The following NDRG4 variants were observed in gnomAD, a reference collection of about 807,000 sequenced individuals.
The protein encoded by NDRG4 is NDRG family member 4.
NDRG4 carries 38 observed loss-of-function variants against 55.8 expected under a neutral mutation model. The observed-to-expected ratio is 0.68, with a 90% CI of 0.53 to 0.89. The LOEUF (loss-of-function observed/expected upper bound fraction) is 0.89. Among genes scored for constraint, NDRG4 ranks in the 40% least tolerant of loss-of-function variants. The pLI, the probability that NDRG4 is intolerant of heterozygous loss-of-function variation, is 0.00. For missense variants in NDRG4, 455 were observed against 468.6 expected (o/e 0.97, Z 0.27); for synonymous variants, 190 against 182.7 (o/e 1.04, Z -0.32).
chr16:58,487,947 A>C, intron 2 of NDRG4: 3 of 917,956 alleles, frequency 3.3e-6, no homozygotes, highest in Non-Finnish European at 3.1e-6. Context: ...GACCCTCCCT[A>C]GGGCCAGCCA....
chr16:58,487,451 C>T (rs753337974), intron 1 of NDRG4, among the ~76,000 whole-genome samples: 3 of 151,872 alleles, frequency 2.0e-5, no homozygotes, highest in Non-Finnish European at 4.4e-5. Flanking sequence ...ACTCAGGAGG[C>T]GAAGGTTGCA....
chr16:58,510,483 G>A (rs1331050397), intron 13 of NDRG4, among the ~76,000 whole-genome samples, 162 bp from the exon 14 acceptor site: 4 of 152,182 alleles, frequency 2.6e-5, no homozygotes, highest in Non-Finnish European at 5.9e-5. Context: ...AGGCAGGAGT[G>A]GGCTTCCAGA....
At chr16:58,496,880 G>T (rs538553295), upstream of NDRG4, 2 of 152,274 alleles carry the variant, frequency 1.3e-5, no homozygotes, top group South Asian at 4.2e-4. Flanking sequence ...TGCCTCATTT[G>T]TAAAGAGGGT....
chr16:58,475,804 C>CT (rs113786200), intron 1 of NDRG4: 39,361 of 304,236 alleles, frequency 0.13, 963 homozygotes, highest in African/African-American at 0.17. Context: ...CATGTCTCCC[C>CT]TTTTTTTTTT....
intron 7 of NDRG4, 102 bp downstream of exon 7, chr16:58,506,716 CACTCCAGATGCTAA>C: frequency 7.4e-7 from 1 of 1,356,078 alleles, no homozygotes; most frequent in Non-Finnish European, 1.0e-6. Context: ...TGACCTGGCT[CACTCCAGATGCTAA>C]GCCATCTGAA....
At chr16:58,492,554 G>GAGAC (rs1555532333) in intron 2 of NDRG4, among the ~76,000 whole-genome samples, 15 of 139,740 alleles carry the variant, frequency 1.1e-4, no homozygotes, top group South Asian at 2.3e-4. Flanking sequence ...GTGTGTGTGA[G>GAGAC]AGACAGACAG....
chr16:58,487,878 T>C lies in NDRG4; in HGVS notation c.72+28T>C, dbSNP rs2035293328. ...GAGTTGGAGTCGCGCCTTTGAGGTCTTAGGGCCGAGCGCGCCACCTCGTGG... is the reference window on the plus strand; with the variant it reads ...GAGTTGGAGTCGCGCCTTTGAGGTCCTAGGGCCGAGCGCGCCACCTCGTGG... On this transcript the variant is annotated intron_variant, in intron 2 of 15. Transcript: ENST00000258187. 7 of 1,485,510 alleles carry C rather than the reference T, an allele frequency of 4.7e-6. No homozygotes were observed. In the East Asian group the frequency reaches 1.8e-4, roughly 38 times the overall value. 92.0% of individuals were successfully genotyped at this position (1,485,510 alleles called of 1,614,324 possible).
At chr16:58,482,367 C>T (rs1210012288) in intron 1 of NDRG4, among the ~76,000 whole-genome samples, 2 of 152,180 alleles carry the variant, frequency 1.3e-5, no homozygotes, top group East Asian at 1.9e-4. Context: ...GTCCCGCAGG[C>T]CTGTTTCCTC....
chr16:58,500,673 G>A (rs2151770344), intron 1 of NDRG4: 1 of 448,926 alleles, frequency 2.2e-6, no homozygotes, highest in African/African-American at 2.0e-5. Flanking sequence ...GTGATGCCTG[G>A]GGCCATCAGG....
intron 2 of NDRG4, among the ~76,000 whole-genome samples, chr16:58,492,028 C>T (rs984463046): frequency 2.0e-5 from 3 of 151,406 alleles, no homozygotes; most frequent in Non-Finnish European, 4.4e-5. Flanking sequence ...GCATTTCTCC[C>T]ACCTCAGCCT....
At chr16:58,492,099 A>G (rs1377241947) in intron 2 of NDRG4, among the ~76,000 whole-genome samples, 1 of 152,192 alleles carries the variant, frequency 6.6e-6, no homozygotes, top group South Asian at 2.1e-4. Flanking sequence ...CACTTTTTAA[A>G]TGTTCTGCCA....
intron 2 of NDRG4, among the ~76,000 whole-genome samples, chr16:58,492,489 CGTGTGTGTGTGTGTGT>C (rs58901035): frequency 0.052 from 6,486 of 123,966 alleles, 252 homozygotes; most frequent in Middle Eastern, 0.069. Context: ...TCTGCTCCAC[CGTGTGTGTGTGTGTGT>C]GTGTGTGTGT....
At chr16:58,465,246 T>G in intron 1 of NDRG4, 1 of 576,304 alleles carries the variant, frequency 1.7e-6, no homozygotes, top group Non-Finnish European at 3.0e-6. Flanking sequence ...GTAAGTGTCC[T>G]CCGACACCTG....
chr16:58,509,573 C>T (rs2038512402), intron 13 of NDRG4, among the ~76,000 whole-genome samples: 2 of 152,206 alleles, frequency 1.3e-5, no homozygotes. Flanking sequence ...CTCCCCTTTG[C>T]CCTTAGGGAG....
At chr16:58,501,849 C>G (rs1422211234) in intron 1 of NDRG4, 1 of 396,422 alleles carries the variant, frequency 2.5e-6, no homozygotes, top group Non-Finnish European at 5.2e-6. Flanking sequence ...CCCTCACACC[C>G]CTCAGGCGGA....
chr16:58,465,218 A>G (rs1192047258), intron 1 of NDRG4: 17 of 712,192 alleles, frequency 2.4e-5, no homozygotes, highest in Non-Finnish European at 3.7e-5. Flanking sequence ...CGTGTATGTC[A>G]GATGAGCACA....
chr16:58,477,042 C>T (rs1374543074), intron 1 of NDRG4, among the ~76,000 whole-genome samples: 3 of 151,554 alleles, frequency 2.0e-5, no homozygotes, highest in East Asian at 3.9e-4. Flanking sequence ...TGCAATCAAA[C>T]GGGGGAAGCT....
chr16:58,480,345 T>G (rs2034244268), intron 1 of NDRG4, among the ~76,000 whole-genome samples: 1 of 152,148 alleles, frequency 6.6e-6, no homozygotes, highest in Admixed American at 6.5e-5. Context: ...GGTCTCAAAC[T>G]CCTGACCTCA....
intron 1 of NDRG4, among the ~76,000 whole-genome samples, chr16:58,468,278 G>T (rs1419677148): frequency 2.0e-5 from 3 of 152,210 alleles, no homozygotes; most frequent in East Asian, 1.9e-4. Flanking sequence ...CCTCAGCGGG[G>T]TCTTGCTGCA....
Sources: allele counts gnomAD v4.1 joint callset (sites outside exome capture counted in the v4.1 genomes callset), GRCh38; gene constraint gnomAD v4.1.1; transcripts MANE v1.5; gene names NCBI Gene and HGNC (gene_info 2026-07-23, HGNC 2026-07-21).